Variants in SEC14L1 observed in about 807,000 individuals in gnomAD.
The protein encoded by SEC14L1 is SEC14-like protein 1.
A neutral mutation model predicts 85.3 loss-of-function variants in SEC14L1; 48 were observed. That is an observed-to-expected ratio of 0.56 (90% CI 0.45 to 0.72). SEC14L1 has a LOEUF of 0.72. Ranked by LOEUF, SEC14L1 falls within the 30% of genes least tolerant of loss-of-function variation. The pLI is 0.00. For missense variants in SEC14L1, 682 were observed against 921.4 expected (o/e 0.74, Z 3.36); for synonymous variants, 391 against 355.5 (o/e 1.10, Z -1.12).
At chr17:77,192,132 T>C (rs912822865) in intron 5 of SEC14L1, among the ~76,000 whole-genome samples, 1 of 152,208 alleles carries the variant, frequency 6.6e-6, no homozygotes, top group Non-Finnish European at 1.5e-5. Flanking sequence ...TTTTCTGGTC[T>C]TACTGTAATA....
At chr17:77,183,239 T>G (rs1330330227) in intron 3 of SEC14L1, among the ~76,000 whole-genome samples, 1 of 152,268 alleles carries the variant, frequency 6.6e-6, no homozygotes, top group Non-Finnish European at 1.5e-5. Flanking sequence ...TTTCCAAACT[T>G]TTTATTATGA....
chr17:77,215,326 G>A lies in SEC14L1; in HGVS notation c.*1303G>A. On this transcript the variant is annotated 3_prime_UTR_variant, in exon 17 of 17. Coordinates refer to ENST00000436233, the MANE Select transcript of SEC14L1 (RefSeq NM_001143998.2). ...CTGTCCAGAAGTTGCATAGGGGATGGCCTCCACGATAAGGACATGCAACAC... is the reference window on the plus strand; with the variant it reads ...CTGTCCAGAAGTTGCATAGGGGATGACCTCCACGATAAGGACATGCAACAC... 2.0e-6 allele frequency: 2 copies of A among 985,368 alleles called. No individual in the cohort carries two copies. Among genetic ancestry groups the A allele is most frequent in the Non-Finnish European group, 2.4e-6 (2 of 829,928 alleles). 61.0% of individuals were successfully genotyped at this position (985,368 alleles called of 1,614,324 possible).
chr17:77,211,841 C>T, intron 14 of SEC14L1, 109 bp from the exon 15 acceptor site: 7 of 1,425,192 alleles, frequency 4.9e-6, no homozygotes, highest in African/African-American at 1.4e-5. Context: ...GCGTTTCCCT[C>T]CCCAGCTTCA....
chr17:77,111,104 G>T (rs986301170), intron 3 of SEC14L1, among the ~76,000 whole-genome samples: 1 of 151,112 alleles, frequency 6.6e-6, no homozygotes, highest in Non-Finnish European at 1.5e-5. Flanking sequence ...GAGGCAGAAG[G>T]ATCGCTTGAA....
chr17:77,211,675 T>TA lies in SEC14L1; in HGVS notation c.1612-274dup, dbSNP rs1370239468. On this transcript the variant is annotated intron_variant, in intron 14 of 16. Coordinates refer to ENST00000436233, the MANE Select transcript of SEC14L1 (RefSeq NM_001143998.2). ...TTGGTGTTTCTAAGACCTGGCCTCT[T>TA]AGAGTGTGTGTGAAGATGGTGTATG... is the stretch of plus-strand genomic sequence containing the variant. The TA allele has an allele frequency of 2.1e-5, 10 of 482,872 alleles. No individual in the cohort carries two copies. In the East Asian group the frequency reaches 3.2e-4, roughly 15 times the overall value. The allele number at this position is 482,872 out of a possible 1,614,324, so 29.9% of individuals were successfully genotyped here. A position where few individuals can be genotyped will look rare whatever the true frequency, so the allele number is the denominator to read the frequency against.
At chr17:77,109,067 C>CT (rs1254872011) in intron 3 of SEC14L1, among the ~76,000 whole-genome samples, 1 of 152,216 alleles carries the variant, frequency 6.6e-6, no homozygotes, top group Non-Finnish European at 1.5e-5. Flanking sequence ...GGTGATCATC[C>CT]TGCCTTGGCC....
At chr17:77,163,436 G>A (rs936928854) in intron 3 of SEC14L1, among the ~76,000 whole-genome samples, 7 of 119,616 alleles carry the variant, frequency 5.9e-5, no homozygotes, top group African/African-American at 1.9e-4. Flanking sequence ...TAGTACCAAT[G>A]AGTTTTCAAA....
intron 3 of SEC14L1, among the ~76,000 whole-genome samples, chr17:77,162,228 C>T (rs1163291656): frequency 3.3e-5 from 5 of 152,186 alleles, no homozygotes; most frequent in Admixed American, 6.5e-5. Context: ...CTGCTGTATC[C>T]GTCTGCCTGG....
chr17:77,100,288 T>G (rs964429287), intron 3 of SEC14L1, among the ~76,000 whole-genome samples: 3 of 152,188 alleles, frequency 2.0e-5, no homozygotes, highest in African/African-American at 7.2e-5. Flanking sequence ...ACATGCGGCA[T>G]TCACGTTAGT....
intron 3 of SEC14L1, among the ~76,000 whole-genome samples, chr17:77,164,145 C>T (rs983531457): frequency 6.6e-6 from 1 of 152,202 alleles, no homozygotes; most frequent in Admixed American, 6.5e-5. Context: ...TAAGTGATTG[C>T]CCTGACCTGG....
intron 3 of SEC14L1, among the ~76,000 whole-genome samples, chr17:77,186,783 A>C (rs1243174139): frequency 6.6e-6 from 1 of 152,246 alleles, no homozygotes; most frequent in Non-Finnish European, 1.5e-5. Context: ...GAAGGTAAAC[A>C]TCAGGGAATT....
chr17:77,134,203 C>G (rs897480990), intron 3 of SEC14L1, among the ~76,000 whole-genome samples: 8 of 151,654 alleles, frequency 5.3e-5, no homozygotes, highest in African/African-American at 1.9e-4. Flanking sequence ...GCCCAGAGAA[C>G]AGAGAAAGGA....
Position 77,206,503 on chromosome 17 carries a change from A to T in SEC14L1, c.1341+103A>T. ...GACCTAAAGTCTTAACTTCTTAGGAAAAAAAACAATAACATGCAAAGATAT... is the reference window on the plus strand; with the variant it reads ...GACCTAAAGTCTTAACTTCTTAGGATAAAAAACAATAACATGCAAAGATAT... On this transcript the variant is annotated intron_variant, in intron 12 of 16. Transcript: ENST00000436233. This position sits in a 1 kb window ranked among gnomAD's most constrained non-coding sequence, Gnocchi z 4.3. 7.2e-7 allele frequency: 1 copy of T among 1,386,586 alleles called. No individual in the cohort carries two copies. The highest frequency in any genetic ancestry group is 2.3e-5 in the East Asian group (1 of 42,762). 85.9% of individuals were successfully genotyped at this position (1,386,586 alleles called of 1,614,324 possible).
intron 10 of SEC14L1, 152 bp from the exon 11 acceptor site, chr17:77,205,124 G>A (rs967082705): frequency 2.1e-5 from 13 of 631,474 alleles, no homozygotes; most frequent in Admixed American, 5.7e-5. Context: ...TGTGTTTAGC[G>A]CATGTGAATG....
intron 3 of SEC14L1, among the ~76,000 whole-genome samples, chr17:77,149,754 T>C (rs911975188): frequency 2.0e-5 from 3 of 152,220 alleles, no homozygotes; most frequent in African/African-American, 4.8e-5. Context: ...ACAAGAGATT[T>C]ATGTTTTCTA....
chr17:77,135,616 A>C (rs1039737838), intron 3 of SEC14L1, among the ~76,000 whole-genome samples: 3 of 151,628 alleles, frequency 2.0e-5, no homozygotes, highest in Admixed American at 1.3e-4. Flanking sequence ...GGCTCACTGC[A>C]CCCTCAACCT....
Position 77,206,532 on chromosome 17 carries a change from A to G in SEC14L1, c.1341+132A>G. ...AAACAATAACATGCAAAGATATAAA[A>G]TTTCTCAAATTGTTTAAGAAAGGGG... On this transcript the variant is annotated intron_variant, in intron 12 of 16. Coordinates refer to ENST00000436233, the MANE Select transcript of SEC14L1 (RefSeq NM_001143998.2). The surrounding 1 kb of genome is among the most constrained non-coding windows in gnomAD (Gnocchi z 4.3). 7.7e-7 allele frequency: 1 copy of G among 1,292,528 alleles called. No homozygotes were observed. Among genetic ancestry groups the G allele is most frequent in the Non-Finnish European group, 1.1e-6 (1 of 949,586 alleles). The allele number at this position is 1,292,528 out of a possible 1,614,324, so 80.1% of individuals were successfully genotyped here. A position where few individuals can be genotyped will look rare whatever the true frequency, so the allele number is the denominator to read the frequency against.
Position 77,215,002 on chromosome 17 carries a change from A to T in SEC14L1, c.*979A>T. 1 of 985,366 alleles carries T rather than the reference A, an allele frequency of 1.0e-6. No individual in the cohort carries two copies. The highest frequency in any genetic ancestry group is 1.2e-6 in the Non-Finnish European group (1 of 830,018). 61.0% of individuals were successfully genotyped at this position (985,366 alleles called of 1,614,324 possible). A position where few individuals can be genotyped will look rare whatever the true frequency, so the allele number is the denominator to read the frequency against. On this transcript the variant is annotated 3_prime_UTR_variant, in exon 17 of 17. Transcript: ENST00000436233. ...AAGCAGCAGCTCTCGCATCCACTTC[A>T]GGGTGGCGTGTGGCATGTAGGAGTC...
chr17:77,102,202 C>T (rs906148572), intron 3 of SEC14L1, among the ~76,000 whole-genome samples: 7 of 152,220 alleles, frequency 4.6e-5, no homozygotes, highest in South Asian at 2.1e-4. Context: ...ACAAATCTCC[C>T]GCTTTGATAC....
Sources: gnomAD v4.1 joint callset for allele counts (sites outside exome capture counted in the v4.1 genomes callset) on GRCh38, gnomAD v4.1.1 for gene constraint, Gnocchi (gnomAD v3.1) non-coding constraint, MANE v1.5 for transcripts, NCBI Gene and HGNC (gene_info 2026-07-23, HGNC 2026-07-21) for gene names.